The following VRK3 variants were observed in gnomAD, a reference collection of about 807,000 sequenced individuals.
VRK3 encodes the protein serine/threonine-protein kinase VRK3.
A neutral mutation model predicts 60.4 loss-of-function variants in VRK3; 50 were observed. That is an observed-to-expected ratio of 0.83 (90% CI 0.66 to 1.05). The LOEUF (loss-of-function observed/expected upper bound fraction) is 1.05, where lower values mean the gene tolerates loss of function less well. VRK3 is among the 50% of genes least tolerant of loss of function. The pLI, the probability that VRK3 is intolerant of heterozygous loss-of-function variation, is 0.00. For missense variants in VRK3, 549 were observed against 585.3 expected, an observed-to-expected ratio of 0.94 and a Z score of 0.64; for synonymous variants, 246 against 227.8, an observed-to-expected ratio of 1.08 and a Z score of -0.72.
At chr19:50,015,231 A>T (rs1008780188) in intron 3 of VRK3, among the ~76,000 whole-genome samples, 1 of 152,132 alleles carries the variant, frequency 6.6e-6, no homozygotes, top group Non-Finnish European at 1.5e-5. Flanking sequence ...GGAAATCTGA[A>T]ATGCAAAATG....
At chr19:50,013,364 G>T (rs2077026045) in intron 3 of VRK3, among the ~76,000 whole-genome samples, 1 of 152,166 alleles carries the variant, frequency 6.6e-6, no homozygotes, top group Non-Finnish European at 1.5e-5. Flanking sequence ...GCATCATGGG[G>T]ACACCATCCC....
In VRK3 at chr19:49,997,388, A is replaced by G. The variant is rs1479493394; in HGVS notation, c.679+116T>C. 8 of 1,174,260 alleles carry G rather than the reference A, an allele frequency of 6.8e-6. No individual in the cohort carries two copies. The South Asian group carries it at 7.3e-5, about 11-fold the overall frequency. 72.7% of individuals were successfully genotyped at this position (1,174,260 alleles called of 1,614,324 possible). ...AGGTTATGGACACAGATGGGAGCAA[A>G]CCTGGGCCTTTAATCTAAGCCCACC... On this transcript the variant is annotated intron_variant, in intron 7 of 14. Transcript: ENST00000316763.
chr19:50,004,264 C>T (rs1486549304), intron 5 of VRK3, among the ~76,000 whole-genome samples: 3 of 150,166 alleles, frequency 2.0e-5, no homozygotes, highest in Non-Finnish European at 4.4e-5. Context: ...CTCTCCTTCT[C>T]CCTCTTCCTT....
Position 50,016,153 on chromosome 19 carries a change from AG to A in VRK3, c.9del (p.Phe4SerfsTer25), listed in dbSNP as rs1374951442. The A allele has an allele frequency of 6.2e-7, 1 of 1,614,088 alleles. No individual in the cohort carries two copies. The highest frequency in any genetic ancestry group is 2.2e-5 in the East Asian group (1 of 44,898). ...ATACTTTTGCCACAGTCTGGACAGAAGGAGATCATGCTACAAAACAGAATGA... is the reference window on the plus strand; with the variant it reads ...ATACTTTTGCCACAGTCTGGACAGAAGAGATCATGCTACAAAACAGAATGA... MI[S>X]FCPDCGKSIQ... is the part of the protein sequence containing the mutation. On this transcript the variant is annotated frameshift_variant, in exon 3 of 15. Coordinates refer to ENST00000316763, the MANE Select transcript of VRK3 (RefSeq NM_016440.4). LOFTEE classifies it high-confidence loss of function.
At chr19:50,016,731 T>C (rs1196827607) in intron 2 of VRK3, among the ~76,000 whole-genome samples, 1 of 152,238 alleles carries the variant, frequency 6.6e-6, no homozygotes, top group African/African-American at 2.4e-5. Context: ...AGCTAATTCC[T>C]GATACTTTTT....
At chr19:49,993,750 T>C (rs1329543923) in intron 9 of VRK3, among the ~76,000 whole-genome samples, 1 of 152,016 alleles carries the variant, frequency 6.6e-6, no homozygotes, top group Non-Finnish European at 1.5e-5. Flanking sequence ...TCTGATCATA[T>C]CCCCAACCCT....
At chr19:50,008,055 CTA>C (rs1164333133) in intron 4 of VRK3, among the ~76,000 whole-genome samples, 2 of 152,124 alleles carry the variant, frequency 1.3e-5, no homozygotes. Context: ...CAAGTCTGCT[CTA>C]GACACAGCTA....
At chr19:49,990,117 T>C (rs2076585116) in intron 10 of VRK3, among the ~76,000 whole-genome samples, 1 of 152,092 alleles carries the variant, frequency 6.6e-6, no homozygotes, top group African/African-American at 2.4e-5. Flanking sequence ...GACCTCCTGT[T>C]GGGCACCGGC....
chr19:50,007,920 A>T, intron 4 of VRK3, 94 bp from the exon 5 acceptor site: 1 of 1,533,830 alleles, frequency 6.5e-7, no homozygotes, highest in East Asian at 2.3e-5. Flanking sequence ...GTTCCTTTAC[A>T]AATTCGTTCA....
chr19:49,993,747 A>G (rs577017435), intron 9 of VRK3, among the ~76,000 whole-genome samples: 2 of 152,048 alleles, frequency 1.3e-5, no homozygotes, highest in South Asian at 2.1e-4. Flanking sequence ...CATTCTGATC[A>G]TATCCCCAAC....
rs1409351605 is a variant in VRK3, at chr19:49,989,641, C to CA, written c.1093dup (p.Cys365LeufsTer34). On this transcript the variant is annotated frameshift_variant, in exon 11 of 15. Transcript: ENST00000316763. LOFTEE classifies it high-confidence loss of function. Reference sequence around the variant, plus strand: ...CAAACCCATCCCTGGCCTCGTACCGCATCCCTTGTGCAGGTCCATGCTAAT... The same window carrying CA: ...CAAACCCATCCCTGGCCTCGTACCGCAATCCCTTGTGCAGGTCCATGCTAAT... 31 of 1,607,646 alleles carry CA rather than the reference C, an allele frequency of 1.9e-5. No individual in the cohort carries two copies. The highest frequency in any genetic ancestry group is 2.6e-5 in the Non-Finnish European group (30 of 1,175,772).
chr19:49,982,034 G>A (rs954530324), intron 12 of VRK3: 1 of 668,468 alleles, frequency 1.5e-6, no homozygotes, highest in Non-Finnish European at 2.7e-6. Flanking sequence ...AGGGAGGGAG[G>A]TGGTCCCCCG....
intron 6 of VRK3, 112 bp from the exon 7 acceptor site, chr19:49,997,682 C>A: frequency 8.1e-7 from 1 of 1,228,868 alleles, no homozygotes; most frequent in Non-Finnish European, 1.1e-6. Context: ...CTCATCAAGT[C>A]CCCACATCGG....
At chr19:50,004,117 C>T (rs978688792) in intron 5 of VRK3, among the ~76,000 whole-genome samples, 27 of 152,166 alleles carry the variant, frequency 1.8e-4, no homozygotes, top group Admixed American at 3.3e-4. Flanking sequence ...CTATTTTTAT[C>T]AAACAACCTG....
intron 5 of VRK3, among the ~76,000 whole-genome samples, chr19:50,005,830 G>T (rs961373154): frequency 6.7e-6 from 1 of 149,838 alleles, no homozygotes; most frequent in East Asian, 1.9e-4. Context: ...AATCCACGGA[G>T]GGAGAAAGGC....
Position 50,005,642 on chromosome 19 carries a change from T to C in VRK3, c.547+1927A>G, listed in dbSNP as rs1173839481. On this transcript the variant is annotated intron_variant, in intron 5 of 14. Transcript: ENST00000316763. ...ACCCAAACGCCCATCAGCTGCTAAGTGGCTAAGCCACATGGGGTGTTCCCA... is the reference window on the plus strand; with the variant it reads ...ACCCAAACGCCCATCAGCTGCTAAGCGGCTAAGCCACATGGGGTGTTCCCA... Among the ~76,000 whole-genome samples the C allele has an allele frequency of 7.3e-5, 11 of 149,878 alleles. No individual in the cohort carries two copies. In the East Asian group the frequency reaches 2.1e-3, roughly 29 times the overall value.
chr19:50,022,242 T>G (rs1030528333), intron 1 of VRK3, among the ~76,000 whole-genome samples: 1 of 152,166 alleles, frequency 6.6e-6, no homozygotes, highest in Non-Finnish European at 1.5e-5. Context: ...AGAACATTCT[T>G]GTAGATTTAA....
intron 14 of VRK3, 96 bp downstream of exon 14, chr19:49,978,987 C>T (rs1007899953): frequency 2.1e-4 from 286 of 1,348,672 alleles, no homozygotes; most frequent in African/African-American, 7.4e-4. Flanking sequence ...CTGGTATGAA[C>T]GTGGAACAGC....
intron 4 of VRK3, among the ~76,000 whole-genome samples, chr19:50,008,435 T>G (rs993417675): frequency 6.6e-6 from 1 of 152,032 alleles, no homozygotes; most frequent in Non-Finnish European, 1.5e-5. Flanking sequence ...AGGCAAGTAA[T>G]GGCAAGAGGC....
Sources: allele counts gnomAD v4.1 joint callset (sites outside exome capture counted in the v4.1 genomes callset), GRCh38; gene constraint gnomAD v4.1.1; transcripts MANE v1.5; gene names NCBI Gene and HGNC (gene_info 2026-07-23, HGNC 2026-07-21).